The following GRAMD1B variants were observed in gnomAD, a reference collection of about 807,000 sequenced individuals.
The protein encoded by GRAMD1B is protein Aster-B.
GRAMD1B carries 37 observed loss-of-function variants against 99.7 expected under a neutral mutation model. The observed-to-expected ratio is 0.37, with a 90% CI of 0.29 to 0.49. The LOEUF (loss-of-function observed/expected upper bound fraction) is 0.49, where lower values mean the gene tolerates loss of function less well. GRAMD1B is among the 20% of genes least tolerant of loss of function. The probability of loss-of-function intolerance (pLI) is 0.98; values close to 1 mark genes in which losing one functional copy is unlikely to be tolerated. For missense variants in GRAMD1B, 888 were observed against 1,009.2 expected (o/e 0.88, Z 1.63); for synonymous variants, 427 against 387.6 (o/e 1.10, Z -1.19).
chr11:123,362,880 G>A (rs1946192270), intron 1 of GRAMD1B, among the ~76,000 whole-genome samples: 1 of 152,112 alleles, frequency 6.6e-6, no homozygotes, highest in South Asian at 2.1e-4. Context: ...TGGTGAGGGT[G>A]CTGGAAGCAT....
exon 1 of GRAMD1B, chr11:123,358,440 GGA>G (rs1946029391): frequency 6.6e-6 from 1 of 152,160 alleles, no homozygotes; most frequent in Non-Finnish European, 1.5e-5. Context: ...ACCTAGCCTC[GGA>G]GACAGTGGGA....
At chr11:123,533,567 C>T (rs1943642269) in intron 2 of GRAMD1B, among the ~76,000 whole-genome samples, 1 of 152,216 alleles carries the variant, frequency 6.6e-6, no homozygotes, top group East Asian at 1.9e-4. Flanking sequence ...GCTGGGATTA[C>T]AGGCGCCAGC....
chr11:123,565,202 CT>C (rs59084399), intron 2 of GRAMD1B, among the ~76,000 whole-genome samples: 4,483 of 126,182 alleles, frequency 0.036, 86 homozygotes, highest in East Asian at 0.095. Context: ...CTGGCTAATT[CT>C]TTTTTTTTTT....
intron 4 of GRAMD1B, among the ~76,000 whole-genome samples, chr11:123,592,638 C>T (rs556691647): frequency 6.6e-6 from 1 of 152,150 alleles, no homozygotes; most frequent in Non-Finnish European, 1.5e-5. Flanking sequence ...GATTCCATAT[C>T]TCAGTGCCAG....
At chr11:123,447,343 T>A (rs1200335960) in intron 1 of GRAMD1B, among the ~76,000 whole-genome samples, 1 of 152,124 alleles carries the variant, frequency 6.6e-6, no homozygotes, top group Non-Finnish European at 1.5e-5. Context: ...ATGAAGCTGG[T>A]CAGTGACAGA....
At chr11:123,548,528 G>C (rs1428805663) in intron 2 of GRAMD1B, among the ~76,000 whole-genome samples, 1 of 151,784 alleles carries the variant, frequency 6.6e-6, no homozygotes, top group African/African-American at 2.4e-5. Flanking sequence ...GTACCTGCAT[G>C]CAAGCACTCC....
intron 1 of GRAMD1B, among the ~76,000 whole-genome samples, chr11:123,413,524 A>G (rs923339917): frequency 3.3e-5 from 5 of 151,862 alleles, no homozygotes; most frequent in Admixed American, 2.6e-4. Flanking sequence ...TTTTTTTTTA[A>G]TGGAGGCATG....
At chr11:123,612,118 A>T (rs946374923) in intron 14 of GRAMD1B, among the ~76,000 whole-genome samples, 2 of 151,042 alleles carry the variant, frequency 1.3e-5, no homozygotes, top group Admixed American at 6.6e-5. Context: ...ACAGGATCTC[A>T]CTCTCTTCCC....
chr11:123,604,946 A>G (rs780359715), intron 9 of GRAMD1B, among the ~76,000 whole-genome samples: 1 of 152,236 alleles, frequency 6.6e-6, no homozygotes, highest in Non-Finnish European at 1.5e-5. Context: ...CGTTTGGGAA[A>G]GGAAATGCAT....
rs1373547245 is a variant in GRAMD1B at position 123,603,513 on chromosome 11, C to T, written c.1138C>T (p.Pro380Ser). Residue 380 changes from proline to serine, a missense_variant, in exon 9 of 20, where the codon CCC becomes TCC. Transcript: ENST00000635736. ...GACCAGTGATGACGAGGACTACGTG[C>T]CCCCTGACGACGACTTCAACACAAT... ...GLTSDDEDYV[P>S]PDDDFNTMGY... The T allele has an allele frequency of 1.9e-6, 3 of 1,612,170 alleles. No individual in the cohort carries two copies. The highest frequency in any genetic ancestry group is 1.1e-5 in the South Asian group (1 of 91,052).
At chr11:123,369,119 A>G (rs1946430823) in intron 1 of GRAMD1B, among the ~76,000 whole-genome samples, 1 of 152,122 alleles carries the variant, frequency 6.6e-6, no homozygotes, top group Non-Finnish European at 1.5e-5. Flanking sequence ...ACAAAGTGAG[A>G]CCCCATATCT....
chr11:123,557,460 G>T (rs1946283824), intron 2 of GRAMD1B, among the ~76,000 whole-genome samples: 1 of 152,180 alleles, frequency 6.6e-6, no homozygotes, highest in East Asian at 1.9e-4. Context: ...CAAACTCAAG[G>T]CTTCTGAATA....
intron 1 of GRAMD1B, among the ~76,000 whole-genome samples, chr11:123,472,530 T>C (rs1459213718): frequency 6.6e-6 from 1 of 151,318 alleles, no homozygotes; most frequent in Non-Finnish European, 1.5e-5. Flanking sequence ...ACATGAGGAG[T>C]GAGTTTAGGA....
At chr11:123,424,570 A>G (rs1161476135) in intron 1 of GRAMD1B, among the ~76,000 whole-genome samples, 1 of 152,154 alleles carries the variant, frequency 6.6e-6, no homozygotes, top group East Asian at 1.9e-4. Flanking sequence ...CTATGCTCTG[A>G]CTTATCTTTT....
At chr11:123,616,660 C>A (rs925370568) in intron 17 of GRAMD1B, among the ~76,000 whole-genome samples, 2 of 152,266 alleles carry the variant, frequency 1.3e-5, no homozygotes, top group African/African-American at 4.8e-5. Flanking sequence ...CGGGCTGACA[C>A]AGCACAGCTT....
chr11:123,530,694 T>G (rs924318465), intron 2 of GRAMD1B, among the ~76,000 whole-genome samples: 2 of 152,230 alleles, frequency 1.3e-5, no homozygotes, highest in African/African-American at 4.8e-5. Context: ...AGATTCTTTC[T>G]GTAAGAGGTC....
At chr11:123,574,220 G>T (rs1948475261) in intron 2 of GRAMD1B, among the ~76,000 whole-genome samples, 1 of 152,172 alleles carries the variant, frequency 6.6e-6, no homozygotes, top group Admixed American at 6.5e-5. Flanking sequence ...GGGGGAAAGT[G>T]TATAGGTGTG....
At chr11:123,384,620 T>C (rs1304170435) in intron 1 of GRAMD1B, among the ~76,000 whole-genome samples, 1 of 152,212 alleles carries the variant, frequency 6.6e-6, no homozygotes, top group Non-Finnish European at 1.5e-5. Context: ...TGTTTTATTC[T>C]CACTACTGAA....
intron 1 of GRAMD1B, among the ~76,000 whole-genome samples, chr11:123,462,145 T>C (rs939321610): frequency 3.3e-5 from 5 of 151,706 alleles, no homozygotes; most frequent in Non-Finnish European, 7.4e-5. Flanking sequence ...TTTTCTGTAT[T>C]TTTAGTAGAG....
Sources: allele counts gnomAD v4.1 joint callset (sites outside exome capture counted in the v4.1 genomes callset), GRCh38; gene constraint gnomAD v4.1.1; transcripts MANE v1.5; gene names NCBI Gene and HGNC (gene_info 2026-07-23, HGNC 2026-07-21).